DCAF8L2: variants seen among roughly 807,000 people sequenced by gnomAD.
DCAF8L2 encodes the protein DDB1 and CUL4 associated factor 8 like 2.
For missense variants in DCAF8L2, 430 were observed against 490.7 expected (o/e 0.88, Z 1.17); for synonymous variants, 200 against 190.9 (o/e 1.05, Z -0.39).
chrX:27,552,325 G>C, the DCAF8L2 span, among the ~76,000 whole-genome samples: 1 of 110,742 alleles, frequency 9.0e-6, no homozygotes, highest in Non-Finnish European at 1.9e-5. Flanking sequence ...GTCTATTTTT[G>C]TGTTTGTTGC....
At chrX:27,555,362 A>G in the DCAF8L2 span, among the ~76,000 whole-genome samples, 2 of 111,813 alleles carry the variant, frequency 1.8e-5, no homozygotes, top group Non-Finnish European at 3.8e-5. Flanking sequence ...CCTAAGAGAG[A>G]ACATCTACCA....
intron 1 of DCAF8L2, among the ~76,000 whole-genome samples, chrX:27,591,906 A>T (rs1346902404): frequency 1.8e-5 from 2 of 112,509 alleles, no homozygotes; most frequent in Non-Finnish European, 3.8e-5. Context: ...CAGTATGCAG[A>T]CACACTAATA....
At chrX:27,490,712 G>A in the DCAF8L2 span, among the ~76,000 whole-genome samples, 6 of 110,966 alleles carry the variant, frequency 5.4e-5, no homozygotes, top group African/African-American at 1.3e-4. Context: ...CGCCCACCTC[G>A]GCTTCTCAAA....
At chrX:27,657,252 C>T (rs1929389012) in intron 2 of DCAF8L2, among the ~76,000 whole-genome samples, 1 of 110,846 alleles carries the variant, frequency 9.0e-6, no homozygotes, top group Admixed American at 9.6e-5. Flanking sequence ...ATATACACGC[C>T]GAAAGGAGGG....
chrX:27,503,025 A>C, the DCAF8L2 span, among the ~76,000 whole-genome samples: 1 of 111,915 alleles, frequency 8.9e-6, no homozygotes, highest in East Asian at 2.8e-4. Flanking sequence ...GGTTGTGCTC[A>C]TATCAGTAAA....
At chrX:27,632,565 G>T (rs1259452404) in intron 2 of DCAF8L2, 4 of 111,516 alleles carry the variant, frequency 3.6e-5, no homozygotes, top group Non-Finnish European at 7.5e-5. Flanking sequence ...CTTTGCACTT[G>T]TGTCTTGCCT....
chrX:27,521,966 A>C, the DCAF8L2 span, among the ~76,000 whole-genome samples: 3 of 112,319 alleles, frequency 2.7e-5, no homozygotes, highest in Non-Finnish European at 5.6e-5. Flanking sequence ...TATTTTATGC[A>C]AATTTGCCAA....
rs371845855 is a variant in DCAF8L2 at position 27,611,162 on chromosome X, T to C, written c.-341-20717T>C. Among the ~76,000 whole-genome samples, 3 of 110,961 alleles carry C rather than the reference T, an allele frequency of 2.7e-5. No homozygotes were observed. The East Asian group carries it at 8.5e-4, about 32-fold the overall frequency. Reference sequence around the variant, plus strand: ...GAGGTATCTATCACAACGGAGACAATAGTACCGATAGTACAGGTACACTAC... The same window carrying C: ...GAGGTATCTATCACAACGGAGACAACAGTACCGATAGTACAGGTACACTAC... On this transcript the variant is annotated intron_variant, in intron 1 of 4. Coordinates refer to ENST00000451261, the MANE Select transcript of DCAF8L2 (RefSeq NM_001353450.2).
chrX:27,639,819 C>A (rs1348640887), intron 2 of DCAF8L2, among the ~76,000 whole-genome samples: 5 of 112,032 alleles, frequency 4.5e-5, no homozygotes, highest in Non-Finnish European at 9.4e-5. Flanking sequence ...GAACTTTTCT[C>A]ATTTTTAATC....
At chrX:27,522,061 CTT>C in the DCAF8L2 span, among the ~76,000 whole-genome samples, 1 of 112,419 alleles carries the variant, frequency 8.9e-6, no homozygotes, top group South Asian at 3.6e-4. Flanking sequence ...GAGTTTTGCT[CTT>C]GTTGCCCAGG....
the DCAF8L2 span, among the ~76,000 whole-genome samples, chrX:27,514,708 A>AAAAC: frequency 1.2e-5 from 1 of 86,702 alleles, no homozygotes. Flanking sequence ...AAAAAAAAAA[A>AAAAC]CAGAGTGAAA....
chrX:27,602,619 G>T (rs1926700429), intron 1 of DCAF8L2, among the ~76,000 whole-genome samples: 1 of 111,101 alleles, frequency 9.0e-6, no homozygotes, highest in Non-Finnish European at 1.9e-5. Context: ...CCTAAAAAAA[G>T]AGTTGTATGA....
At chrX:27,668,545 A>G (rs1929822930) in intron 2 of DCAF8L2, among the ~76,000 whole-genome samples, 1 of 111,963 alleles carries the variant, frequency 8.9e-6, no homozygotes, top group African/African-American at 3.2e-5. Flanking sequence ...AACCAGAGGA[A>G]AAAGGGACTG....
intron 4 of DCAF8L2, among the ~76,000 whole-genome samples, chrX:27,717,737 C>A (rs1931751682): frequency 8.9e-6 from 1 of 112,004 alleles, no homozygotes; most frequent in Non-Finnish European, 1.9e-5. Context: ...AATTAGATAT[C>A]ATTTGTCAAT....
At chrX:27,528,025 TA>T in the DCAF8L2 span, among the ~76,000 whole-genome samples, 332 of 98,273 alleles carry the variant, frequency 3.4e-3, 2 homozygotes, top group African/African-American at 0.013. Context: ...AATTAATTAT[TA>T]AATTAAATTT....
intron 4 of DCAF8L2, among the ~76,000 whole-genome samples, chrX:27,725,445 T>G (rs941663467): frequency 7.2e-5 from 8 of 110,898 alleles, no homozygotes; most frequent in Non-Finnish European, 1.5e-4. Flanking sequence ...AATTTTGTTT[T>G]TATCTGCCCC....
At chrX:27,603,013 T>C (rs1444759684) in intron 1 of DCAF8L2, among the ~76,000 whole-genome samples, 1 of 112,146 alleles carries the variant, frequency 8.9e-6, no homozygotes, top group Non-Finnish European at 1.9e-5. Context: ...AATTACATTT[T>C]ATAAAGTATT....
At chrX:27,554,613 A>G in the DCAF8L2 span, among the ~76,000 whole-genome samples, 517 of 112,183 alleles carry the variant, frequency 4.6e-3, 2 homozygotes, top group Middle Eastern at 0.014. Context: ...CAATAAGAGA[A>G]TCACAATTTA....
At chrX:27,526,245 A>G in the DCAF8L2 span, among the ~76,000 whole-genome samples, 1 of 111,387 alleles carries the variant, frequency 9.0e-6, no homozygotes, top group African/African-American at 3.3e-5. Flanking sequence ...TTTTTTCTCT[A>G]AACTTCTCTT....
Sources: gnomAD v4.1 joint callset for allele counts (sites outside exome capture counted in the v4.1 genomes callset) on GRCh38, gnomAD v4.1.1 for gene constraint, MANE v1.5 for transcripts, NCBI Gene and HGNC (gene_info 2026-07-23, HGNC 2026-07-21) for gene names.